Variants in ZNF704 observed in about 807,000 individuals in gnomAD.
ZNF704 encodes glucocorticoid induced gene 1.
ZNF704 carries 10 observed loss-of-function variants against 44.7 expected under a neutral mutation model. The observed-to-expected ratio is 0.22, with a 90% CI of 0.14 to 0.38. The LOEUF is 0.38. ZNF704 is among the 10% of genes least tolerant of loss of function. The pLI, the probability that ZNF704 is intolerant of heterozygous loss-of-function variation, is 1.00. For synonymous variants in ZNF704, 211 were observed against 207.6 expected (o/e 1.02, Z -0.14); for missense variants, 390 against 545.5 (o/e 0.71, Z 2.84).
Position 80,704,001 on chromosome 8 carries a change from A to AT in ZNF704, c.222-10895dup, listed in dbSNP as rs371282238. ...AAGTATTAAATAAATCGTTCATAGG[A>AT]TTTTTTTTTTCCTTTTTACTGGCCC... On this transcript the variant is annotated intron_variant, in intron 2 of 8. Coordinates refer to ENST00000327835, the MANE Select transcript of ZNF704 (RefSeq NM_001033723.3). Among the ~76,000 whole-genome samples the AT allele has an allele frequency of 5.3e-3, 792 of 150,294 alleles. 4 individuals are homozygous for AT. The highest frequency in any genetic ancestry group is 0.017 in the African/African-American group (689 of 41,002).
chr8:80,805,591 CTTT>C (rs1351325063), intron 2 of ZNF704, among the ~76,000 whole-genome samples: 1 of 152,058 alleles, frequency 6.6e-6, no homozygotes, highest in Non-Finnish European at 1.5e-5. Context: ...AGGATTTTTA[CTTT>C]TTTTCTTTCT....
At chr8:80,681,967 G>T (rs1326651235) in intron 4 of ZNF704, among the ~76,000 whole-genome samples, 1 of 152,164 alleles carries the variant, frequency 6.6e-6, no homozygotes, top group Non-Finnish European at 1.5e-5. Flanking sequence ...TCAGCTCCCT[G>T]CCCTGGCTGA....
At chr8:80,807,296 C>T (rs557428657) in intron 2 of ZNF704, among the ~76,000 whole-genome samples, 2 of 152,182 alleles carry the variant, frequency 1.3e-5, no homozygotes, top group Admixed American at 6.5e-5. Flanking sequence ...CACATGCAGG[C>T]GGGTCCAGGG....
chr8:80,642,812 A>G (rs1054903650), intron 8 of ZNF704, among the ~76,000 whole-genome samples: 8 of 152,246 alleles, frequency 5.3e-5, no homozygotes, highest in African/African-American at 1.9e-4. Flanking sequence ...AAACAAAAAC[A>G]AAAACAAAAA....
chr8:80,746,421 C>G (rs1160961030), intron 2 of ZNF704, among the ~76,000 whole-genome samples: 1 of 152,070 alleles, frequency 6.6e-6, no homozygotes, highest in Non-Finnish European at 1.5e-5. Flanking sequence ...TTTTTCGGAC[C>G]TACTCTGTGC....
chr8:80,849,882 T>C (rs1054994146), intron 1 of ZNF704, among the ~76,000 whole-genome samples: 1 of 152,260 alleles, frequency 6.6e-6, no homozygotes, highest in Non-Finnish European at 1.5e-5. Flanking sequence ...TTTGCTGAAA[T>C]GTGTTTTTAC....
intron 8 of ZNF704, 68 bp downstream of exon 8, chr8:80,642,967 C>T (rs1817768090): frequency 9.6e-7 from 1 of 1,043,368 alleles, no homozygotes; most frequent in Non-Finnish European, 1.3e-6. Flanking sequence ...TCAGGGTTCT[C>T]TCTGCTGTTC....
At chr8:80,653,853 T>C (rs1275192787) in intron 7 of ZNF704, among the ~76,000 whole-genome samples, 2 of 152,098 alleles carry the variant, frequency 1.3e-5, no homozygotes, top group Non-Finnish European at 2.9e-5. Flanking sequence ...AAAGTTCATA[T>C]GGAACCAAAA....
intron 2 of ZNF704, among the ~76,000 whole-genome samples, chr8:80,757,756 A>G (rs1807061084): frequency 2.0e-5 from 3 of 152,340 alleles, no homozygotes; most frequent in Admixed American, 6.5e-5. Flanking sequence ...ATAGATTTAA[A>G]TACACAAATA....
intron 2 of ZNF704, among the ~76,000 whole-genome samples, chr8:80,810,911 G>A (rs567872155): frequency 1.1e-4 from 17 of 152,090 alleles, no homozygotes; most frequent in African/African-American, 1.4e-4. Flanking sequence ...GCTCCTCCCC[G>A]CCACCCCAAC....
intron 7 of ZNF704, among the ~76,000 whole-genome samples, chr8:80,649,490 T>C (rs113575002): frequency 3.2e-4 from 49 of 152,280 alleles, no homozygotes; most frequent in African/African-American, 1.1e-3. Context: ...TCCAACAGTC[T>C]TAGCAAACGG....
chr8:80,653,015 T>C (rs1450038695), intron 7 of ZNF704, among the ~76,000 whole-genome samples: 2 of 152,156 alleles, frequency 1.3e-5, no homozygotes, highest in Non-Finnish European at 2.9e-5. Context: ...TGGTTCAACA[T>C]ACACAAATCA....
At chr8:80,706,005 G>A (rs371535139) in intron 2 of ZNF704, among the ~76,000 whole-genome samples, 3 of 152,192 alleles carry the variant, frequency 2.0e-5, no homozygotes, top group South Asian at 2.1e-4. Context: ...GTGCAGGGGC[G>A]GCATGGCCCA....
intron 2 of ZNF704, among the ~76,000 whole-genome samples, chr8:80,816,800 T>C (rs1808183620): frequency 6.6e-6 from 1 of 152,234 alleles, no homozygotes; most frequent in African/African-American, 2.4e-5. Flanking sequence ...TTATCTCTCC[T>C]GAGGAAAGTT....
chr8:80,659,460 A>T (rs1818064216), intron 7 of ZNF704, 125 bp downstream of exon 7: 2 of 785,354 alleles, frequency 2.5e-6, no homozygotes, highest in Non-Finnish European at 4.3e-6. Flanking sequence ...AATATCATTT[A>T]AGAAATATAG....
At chr8:80,879,109 G>C (rs1344757233), upstream of ZNF704, among the ~76,000 whole-genome samples, 1 of 152,204 alleles carries the variant, frequency 6.6e-6, no homozygotes, top group African/African-American at 2.4e-5. Flanking sequence ...TCCCCAAGGA[G>C]CTCTCTCATT....
At chr8:80,687,170 G>A (rs1435439186) in intron 4 of ZNF704, 56 bp downstream of exon 4, 6 of 1,512,224 alleles carry the variant, frequency 4.0e-6, no homozygotes, top group Non-Finnish European at 5.5e-6. Context: ...CTTCAGAGGG[G>A]ACAGAAAGCA....
intron 2 of ZNF704, among the ~76,000 whole-genome samples, chr8:80,742,907 C>T (rs1015187039): frequency 3.9e-5 from 6 of 151,978 alleles, no homozygotes; most frequent in African/African-American, 1.5e-4. Context: ...ACTAAGAATC[C>T]CCAAGCCTAG....
chr8:80,719,178 G>A (rs1020474487), intron 2 of ZNF704, among the ~76,000 whole-genome samples: 5 of 151,974 alleles, frequency 3.3e-5, no homozygotes, highest in African/African-American at 1.2e-4. Flanking sequence ...GTTTTGCCAT[G>A]TTGCCCAGGC....
Sources: gnomAD v4.1 joint callset for allele counts (sites outside exome capture counted in the v4.1 genomes callset) on GRCh38, gnomAD v4.1.1 for gene constraint, MANE v1.5 for transcripts, NCBI Gene and HGNC (gene_info 2026-07-23, HGNC 2026-07-21) for gene names.